The following HMCN1 variants were observed in gnomAD, a reference collection of about 807,000 sequenced individuals.
The protein encoded by HMCN1 is hemicentin-1.
A neutral mutation model predicts 625.9 loss-of-function variants in HMCN1; 321 were observed. The ratio of observed to expected loss-of-function variants is 0.51; its 90% confidence interval spans 0.47 to 0.56. HMCN1 has a LOEUF of 0.56. Among genes scored for constraint, HMCN1 ranks in the 20% least tolerant of loss-of-function variants. The probability of loss-of-function intolerance (pLI) is 0.00; values close to 1 mark genes in which losing one functional copy is unlikely to be tolerated. For missense variants in HMCN1, 6,588 were observed against 6,887.3 expected (o/e 0.96, Z 1.54); for synonymous variants, 2,425 against 2,417.6 (o/e 1.00, Z -0.09).
chr1:186,070,296 G>A (rs761903), intron 51 of HMCN1, among the ~76,000 whole-genome samples: 79,957 of 152,010 alleles, frequency 0.53, 21,240 homozygotes, highest in Admixed American at 0.61. Context: ...TACCCTTAAT[G>A]ACCAATAAGA....
chr1:185,923,416 A>C lies in HMCN1; in HGVS notation c.1048A>C (p.Thr350Pro). The change falls in exon 8 of 107, where the codon ACT (threonine) becomes CCT (proline). Residue 350 changes from threonine to proline, a missense_variant. Thr to Pro is a conservative substitution (Grantham distance 38). Coordinates refer to ENST00000271588, the MANE Select transcript of HMCN1 (RefSeq NM_031935.3). ...QGIPTYVLLN[T>P]SGISTPARID... ...AATACCTACCTATGTACTGCTCAAT[A>C]CTTCTGGAATTTCCACTCCAGCTAG... is the stretch of plus-strand genomic sequence containing the variant. 1 of 1,610,816 alleles carries C rather than the reference A, an allele frequency of 6.2e-7. No homozygotes were observed. The highest frequency in any genetic ancestry group is 8.5e-7 in the Non-Finnish European group (1 of 1,177,592).
intron 1 of HMCN1, among the ~76,000 whole-genome samples, chr1:185,737,163 T>A (rs569982669): frequency 7.9e-5 from 12 of 152,030 alleles, no homozygotes; most frequent in Non-Finnish European, 1.8e-4. Context: ...TTGTTTATTT[T>A]TTTTTTTTTG....
At chr1:185,828,195 G>C (rs917749751) in intron 1 of HMCN1, among the ~76,000 whole-genome samples, 5 of 152,056 alleles carry the variant, frequency 3.3e-5, no homozygotes, top group African/African-American at 1.2e-4. Context: ...TAGGGTAACA[G>C]AACAGACTGT....
At chr1:185,914,473 T>C (rs1666592952) in intron 6 of HMCN1, among the ~76,000 whole-genome samples, 1 of 152,068 alleles carries the variant, frequency 6.6e-6, no homozygotes, top group African/African-American at 2.4e-5. Flanking sequence ...TACTTAACTT[T>C]ACCTTGAGGC....
intron 105 of HMCN1, among the ~76,000 whole-genome samples, chr1:186,183,833 G>GTT (rs1173141481): frequency 6.6e-6 from 1 of 152,068 alleles, no homozygotes; most frequent in Non-Finnish European, 1.5e-5. Context: ...TGGGGTGAGG[G>GTT]CACTTTGTCC....
At chr1:185,879,391 CAA>C (rs1664154365) in intron 4 of HMCN1, among the ~76,000 whole-genome samples, 2 of 152,210 alleles carry the variant, frequency 1.3e-5, no homozygotes, top group South Asian at 4.1e-4. Flanking sequence ...AGGCTGGTTT[CAA>C]ACTCTTGGGT....
intron 4 of HMCN1, among the ~76,000 whole-genome samples, chr1:185,898,827 C>T (rs1397759705): frequency 6.6e-6 from 1 of 151,510 alleles, no homozygotes; most frequent in African/African-American, 2.4e-5. Flanking sequence ...ATTGTGTCTA[C>T]AGCTACTGAA....
At chr1:186,166,398 A>C in intron 99 of HMCN1, 95 bp downstream of exon 99, 1 of 1,442,670 alleles carries the variant, frequency 6.9e-7, no homozygotes, top group Non-Finnish European at 9.6e-7. Flanking sequence ...CTTTCCTACT[A>C]CTTCTGCCCA....
At chr1:186,138,115 T>C (rs952085952) in intron 89 of HMCN1, 143 bp downstream of exon 89, 8 of 961,506 alleles carry the variant, frequency 8.3e-6, no homozygotes, top group African/African-American at 1.6e-5. Context: ...ACTATATTCT[T>C]AGTTCTCTTT....
chr1:185,958,516 G>A (rs886282821), intron 11 of HMCN1, among the ~76,000 whole-genome samples: 1 of 152,178 alleles, frequency 6.6e-6, no homozygotes, highest in Admixed American at 6.5e-5. Flanking sequence ...ATGCACAGAT[G>A]TATTTTAAAT....
intron 30 of HMCN1, among the ~76,000 whole-genome samples, chr1:186,013,156 C>G (rs974129181): frequency 5.3e-5 from 8 of 152,122 alleles, no homozygotes; most frequent in African/African-American, 1.7e-4. Context: ...ACTCTTTACT[C>G]TGCTACTGTT....
At chr1:185,863,173 T>C (rs1370032280) in intron 2 of HMCN1, among the ~76,000 whole-genome samples, 1 of 152,180 alleles carries the variant, frequency 6.6e-6, no homozygotes, top group East Asian at 1.9e-4. Flanking sequence ...CTATTTTCTT[T>C]CTGAGAAAGA....
intron 93 of HMCN1, among the ~76,000 whole-genome samples, chr1:186,149,545 A>G (rs1264025637): frequency 1.3e-5 from 2 of 152,210 alleles, no homozygotes; most frequent in Non-Finnish European, 2.9e-5. Flanking sequence ...TTTTCTCCAT[A>G]TAAAAAATAA....
chr1:185,924,143 G>A (rs1379509880), intron 8 of HMCN1, among the ~76,000 whole-genome samples: 2 of 147,190 alleles, frequency 1.4e-5, no homozygotes, highest in African/African-American at 5.0e-5. Context: ...TTATTTGGAA[G>A]CATCAGGTAG....
intron 10 of HMCN1, among the ~76,000 whole-genome samples, chr1:185,929,262 G>A (rs529514053): frequency 1.7e-4 from 26 of 152,074 alleles, no homozygotes; most frequent in Admixed American, 5.2e-4. Flanking sequence ...GGACCTCAGT[G>A]GCTACAATAT....
chr1:186,074,698 C>T, intron 52 of HMCN1, 43 bp from the exon 53 acceptor site: 1 of 1,584,876 alleles, frequency 6.3e-7, no homozygotes. Flanking sequence ...TTAGAGGATT[C>T]ATTATAGCAC....
In HMCN1 at chr1:186,048,596, TATAGCC is replaced by T. The variant is rs1656731811; in HGVS notation, c.6481-144_6481-139del. ...TTGTGTTGAAACTGGGTGATGGGTA[TATAGCC>T]ATTTATATTGCTATTTTGTCTATTT... is the stretch of plus-strand genomic sequence containing the variant. On this transcript the variant is annotated intron_variant, in intron 41 of 106. Coordinates refer to ENST00000271588, the MANE Select transcript of HMCN1 (RefSeq NM_031935.3). 1.2e-5 allele frequency: 8 copies of T among 645,606 alleles called. No individual in the cohort carries two copies. The South Asian group carries it at 1.4e-4, about 11-fold the overall frequency. The allele number at this position is 645,606 out of a possible 1,614,324, so 40.0% of individuals were successfully genotyped here.
At chr1:185,910,093 A>G (rs1437324003) in intron 5 of HMCN1, among the ~76,000 whole-genome samples, 1 of 152,178 alleles carries the variant, frequency 6.6e-6, no homozygotes, top group African/African-American at 2.4e-5. Flanking sequence ...ACAATCTAGT[A>G]AAGACAGAAA....
At position 185,907,559 on chromosome 1, in the gene HMCN1, C is replaced by T. The variant is rs75459141; in HGVS notation, c.622-1778C>T. Among the ~76,000 whole-genome samples the T allele has an allele frequency of 9.7e-4, 148 of 152,118 alleles. 1 individual carries two copies. In the East Asian group the frequency reaches 0.022, roughly 22 times the overall value. ...TGTTCTCAACATATTTGGAGTACTT[C>T]GGTCTCTGTCTCAGTGTTCTTGCTC... On this transcript the variant is annotated intron_variant, in intron 4 of 106. Transcript: ENST00000271588.
Sources: allele counts gnomAD v4.1 joint callset (sites outside exome capture counted in the v4.1 genomes callset), GRCh38; gene constraint gnomAD v4.1.1; transcripts MANE v1.5; gene names NCBI Gene and HGNC (gene_info 2026-07-23, HGNC 2026-07-21).